Variants in SEMA6A observed in about 807,000 individuals in gnomAD.
SEMA6A encodes semaphorin-6A.
In SEMA6A, 25 loss-of-function variants were observed where a neutral mutation model predicts 96.8. The ratio of observed to expected loss-of-function variants is 0.26; its 90% CI spans 0.19 to 0.36. The LOEUF (loss-of-function observed/expected upper bound fraction) is 0.36. SEMA6A is among the 10% of genes least tolerant of loss of function. SEMA6A has a pLI of 1.00. For synonymous variants in SEMA6A, 612 were observed against 518.0 expected (o/e 1.18, Z -2.46); for missense variants, 1,363 against 1,323.1 (o/e 1.03, Z -0.47).
At chr5:116,566,978 C>A (rs1434593671) in intron 1 of SEMA6A, among the ~76,000 whole-genome samples, 4 of 152,084 alleles carry the variant, frequency 2.6e-5, no homozygotes, top group African/African-American at 9.7e-5. Context: ...CAGGTGTGGT[C>A]CTTGGGAATT....
At chr5:116,491,630 C>T (rs768186100) in intron 7 of SEMA6A, 110 bp downstream of exon 7, 48 of 797,868 alleles carry the variant, frequency 6.0e-5, no homozygotes, top group Admixed American at 1.0e-4. Flanking sequence ...ACAGTATTCA[C>T]CAGAGAATCA....
At chr5:116,448,593 T>G (rs934399553) in intron 18 of SEMA6A, among the ~76,000 whole-genome samples, 2 of 152,212 alleles carry the variant, frequency 1.3e-5, no homozygotes, top group Admixed American at 1.3e-4. Flanking sequence ...TGGGATCTTT[T>G]CCGACGGCCC....
chr5:116,502,357 G>GA, intron 2 of SEMA6A, 30 bp from the exon 3 acceptor site: 2 of 1,598,864 alleles, frequency 1.3e-6, no homozygotes, highest in African/African-American at 1.3e-5. Flanking sequence ...GGCAAGAAAG[G>GA]AAAAGCAAAT....
At chr5:116,537,227 G>GA (rs1759755287) in intron 1 of SEMA6A, among the ~76,000 whole-genome samples, 1 of 152,182 alleles carries the variant, frequency 6.6e-6, no homozygotes, top group African/African-American at 2.4e-5. Flanking sequence ...GGCAGTAAAA[G>GA]AAAATACAAT....
chr5:116,462,531 CT>C (rs1380388911), intron 18 of SEMA6A, among the ~76,000 whole-genome samples: 2 of 152,132 alleles, frequency 1.3e-5, no homozygotes, highest in Non-Finnish European at 2.9e-5. Context: ...CCTAGAGTGG[CT>C]AATTTCTTAT....
In SEMA6A at chr5:116,488,960, C is replaced by A; in HGVS notation, c.583G>T (p.Ala195Ser). ...TCTCCAAGACTCCGGTAAATGACTG[C>A]GTCAATGGCAAGGAAGTCAGTCACT... ...ATVTDFLAID[A>S]VIYRSLGESP... Residue 195 changes from alanine to serine, a missense_variant, in exon 8 of 19, where the codon GCA (alanine) becomes TCA (serine). Physicochemically the swap from Ala to Ser is moderately conservative, Grantham distance 99 (BLOSUM62 1). Coordinates refer to ENST00000343348, the MANE Select transcript of SEMA6A (RefSeq NM_020796.5). 1 of 1,585,964 alleles carries A rather than the reference C, an allele frequency of 6.3e-7. No homozygotes were observed. The highest frequency in any genetic ancestry group is 8.6e-7 in the Non-Finnish European group (1 of 1,164,982).
intron 1 of SEMA6A, among the ~76,000 whole-genome samples, chr5:116,572,547 G>A (rs1761265927): frequency 6.6e-6 from 1 of 152,170 alleles, no homozygotes; most frequent in Non-Finnish European, 1.5e-5. Context: ...GGGAAATCGT[G>A]CGCAGGGAGC....
At chr5:116,469,885 A>C (rs751539166) in intron 17 of SEMA6A, among the ~76,000 whole-genome samples, 1 of 152,244 alleles carries the variant, frequency 6.6e-6, no homozygotes, top group Non-Finnish European at 1.5e-5. Flanking sequence ...AGAATGTTTT[A>C]CACAAATATG....
At chr5:116,531,254 A>T (rs569646686) in intron 1 of SEMA6A, among the ~76,000 whole-genome samples, 9 of 152,190 alleles carry the variant, frequency 5.9e-5, no homozygotes, top group South Asian at 4.1e-4. Flanking sequence ...AGTTTTTTTA[A>T]AAAATGCAAT....
intron 1 of SEMA6A, among the ~76,000 whole-genome samples, chr5:116,560,188 A>C (rs191010516): frequency 6.6e-6 from 1 of 152,068 alleles, no homozygotes; most frequent in Non-Finnish European, 1.5e-5. Context: ...TCCTCCTTCA[A>C]TGGAGCCCAG....
At chr5:116,452,449 G>A (rs1754700608) in intron 18 of SEMA6A, among the ~76,000 whole-genome samples, 1 of 149,912 alleles carries the variant, frequency 6.7e-6, no homozygotes, top group Non-Finnish European at 1.5e-5. Context: ...TGAGGTGAGA[G>A]TTTTCAGATG....
At chr5:116,516,045 C>T (rs1384471907) in intron 1 of SEMA6A, among the ~76,000 whole-genome samples, 1 of 152,184 alleles carries the variant, frequency 6.6e-6, no homozygotes, top group Non-Finnish European at 1.5e-5. Context: ...AAAATGTTGG[C>T]ATCAGGTCCT....
intron 18 of SEMA6A, among the ~76,000 whole-genome samples, chr5:116,452,376 T>C (rs1161848964): frequency 6.6e-6 from 1 of 151,862 alleles, no homozygotes; most frequent in Non-Finnish European, 1.5e-5. Flanking sequence ...TTCTCTGAAA[T>C]CATGTCTTAA....
chr5:116,547,964 T>G (rs969718842), intron 1 of SEMA6A, among the ~76,000 whole-genome samples: 13 of 152,118 alleles, frequency 8.5e-5, no homozygotes, highest in Non-Finnish European at 8.8e-5. Flanking sequence ...CGGCCTCACA[T>G]TTGTGCTGGG....
intron 1 of SEMA6A, among the ~76,000 whole-genome samples, chr5:116,560,603 G>A (rs1050195735): frequency 5.9e-5 from 9 of 151,928 alleles, no homozygotes; most frequent in Non-Finnish European, 1.2e-4. Context: ...AGCCCCAGGA[G>A]GATATTCCTG....
Position 116,447,324 on chromosome 5 carries a change from C to T in SEMA6A, c.2382G>A (p.Met794Ile). The T allele has an allele frequency of 1.2e-6, 2 of 1,613,822 alleles. No homozygotes were observed. Among genetic ancestry groups the T allele is most frequent in the South Asian group, 1.1e-5 (1 of 91,078 alleles). ...GGTCCGTGGGAATCACAGGGGAGCC[C>T]ATGGGGGGCATGTCCTTTGTGCAGG... ...INACTKDMPP[M>I]GSPVIPTDLP... The change falls in exon 19 of 19, where the codon ATG (methionine) becomes ATA (isoleucine). Residue 794 changes from methionine (M) to isoleucine (I), a missense_variant. Physicochemically the swap from Met to Ile is conservative, Grantham distance 10. Transcript: ENST00000343348.
chr5:116,473,879 A>T (rs948437917), intron 16 of SEMA6A, among the ~76,000 whole-genome samples: 9 of 152,200 alleles, frequency 5.9e-5, no homozygotes. Context: ...GCCCCGAGCA[A>T]GCACCCTTGG....
intron 18 of SEMA6A, among the ~76,000 whole-genome samples, chr5:116,465,978 C>G (rs1277327366): frequency 6.8e-6 from 1 of 147,126 alleles, no homozygotes; most frequent in Non-Finnish European, 1.5e-5. Flanking sequence ...CGGACAGTTT[C>G]TCTTCTACCT....
chr5:116,478,403 G>C, intron 13 of SEMA6A, 139 bp downstream of exon 13: 1 of 935,672 alleles, frequency 1.1e-6, no homozygotes, highest in Non-Finnish European at 1.6e-6. Context: ...TGCTTTTTAG[G>C]TGTTAAATTT....
Sources: gnomAD v4.1 joint callset for allele counts (sites outside exome capture counted in the v4.1 genomes callset) on GRCh38, gnomAD v4.1.1 for gene constraint, MANE v1.5 for transcripts, NCBI Gene and HGNC (gene_info 2026-07-23, HGNC 2026-07-21) for gene names.